Variants in ZZZ3 observed in about 807,000 individuals in gnomAD.
The protein encoded by ZZZ3 is zinc finger ZZ-type containing 3, also known as ZZ-type zinc finger-containing protein 3.
In ZZZ3, 22 loss-of-function variants were observed where a neutral mutation model predicts 95.2. The ratio of observed to expected loss-of-function variants is 0.23; its 90% confidence interval spans 0.17 to 0.33. ZZZ3 has a LOEUF of 0.33. Ranked by LOEUF, ZZZ3 falls within the 10% of genes least tolerant of loss-of-function variation. The pLI, the probability that ZZZ3 is intolerant of heterozygous loss-of-function variation, is 1.00. For synonymous variants in ZZZ3, 335 were observed against 358.9 expected (o/e 0.93, Z 0.75); for missense variants, 885 against 1,066.5 (o/e 0.83, Z 2.37).
chr1:77,641,460 TTCAA>T lies in ZZZ3; in HGVS notation c.-268-18_-268-15del, dbSNP rs1366363134. 5 of 397,364 alleles carry T rather than the reference TTCAA, an allele frequency of 1.3e-5. No individual in the cohort carries two copies. Among genetic ancestry groups the T allele is most frequent in the African/African-American group, 2.1e-5 (1 of 48,576 alleles). 24.6% of individuals were successfully genotyped at this position (397,364 alleles called of 1,614,324 possible). On this transcript the variant is annotated splice_polypyrimidine_tract_variant and intron_variant, in intron 2 of 14. Transcript: ENST00000370801. The stretch of plus-strand genomic sequence containing the variant: ...AAGCCTGATACACTGAAAAAGAAAC[TTCAA>T]TCAATTACTTCTAACTAAACCCCAC...
chr1:77,632,835 T>C lies in ZZZ3; in HGVS notation c.520A>G (p.Lys174Glu). Residue 174 changes from lysine to glutamate, a missense_variant, in exon 5 of 15, where the codon AAA becomes GAA. Lys to Glu is a moderately conservative substitution (Grantham distance 56). Around this residue, in one of 5 missense-constraint regions of ZZZ3, gnomAD observed 556 missense variants for 652.9 expected, o/e 0.85. Transcript: ENST00000370801. ...CRCLILDDCE[K>E]REIKKVNVSE... ...ACATTCACCTTTTTAATTTCCCTTT[T>C]CTCACAATCATCCAGTATAAGACAT... The C allele has an allele frequency of 1.2e-6, 2 of 1,614,160 alleles. No homozygotes were observed. The highest frequency in any genetic ancestry group is 4.5e-5 in the East Asian group (2 of 44,884).
At chr1:77,678,339 A>G (rs1224293378) in intron 1 of ZZZ3, among the ~76,000 whole-genome samples, 1 of 152,132 alleles carries the variant, frequency 6.6e-6, no homozygotes, top group East Asian at 1.9e-4. Flanking sequence ...CATACACAGT[A>G]GCACCATTTT....
At chr1:77,620,810 T>C (rs559141466) in intron 5 of ZZZ3, among the ~76,000 whole-genome samples, 1 of 152,172 alleles carries the variant, frequency 6.6e-6, no homozygotes, top group South Asian at 2.1e-4. Flanking sequence ...AATTCATCAG[T>C]ATATAGATAG....
At chr1:77,603,739 T>C (rs1389985724) in intron 5 of ZZZ3, among the ~76,000 whole-genome samples, 1 of 152,108 alleles carries the variant, frequency 6.6e-6, no homozygotes, top group Non-Finnish European at 1.5e-5. Context: ...GTAAGTTTTA[T>C]ATAAAGATTA....
Position 77,563,189 on chromosome 1 carries a change from C to G in ZZZ3, c.*2451G>C, listed in dbSNP as rs1234466030. On this transcript the variant is annotated 3_prime_UTR_variant, in exon 15 of 15. Transcript: ENST00000370801. ...TGCAAATAACTTGAGCACAATATAT[C>G]AGGAAATAGATCTTATCTACTGAAT... 6.6e-6 allele frequency: 1 copy of G among 151,916 alleles called. No homozygotes were observed. The highest frequency in any genetic ancestry group is 1.5e-5 in the Non-Finnish European group (1 of 68,034). 9.4% of individuals were successfully genotyped at this position (151,916 alleles called of 1,614,324 possible).
intron 1 of ZZZ3, among the ~76,000 whole-genome samples, chr1:77,649,159 C>T (rs1669571343): frequency 6.6e-6 from 1 of 151,940 alleles, no homozygotes; most frequent in Admixed American, 6.6e-5. Flanking sequence ...CTCAATAAAC[C>T]CAAGCACAAG....
intron 1 of ZZZ3, among the ~76,000 whole-genome samples, chr1:77,656,703 A>G (rs1670299603): frequency 6.6e-6 from 1 of 152,200 alleles, no homozygotes; most frequent in African/African-American, 2.4e-5. Context: ...CATATTAACC[A>G]ACCTCTAAGC....
intron 1 of ZZZ3, among the ~76,000 whole-genome samples, chr1:77,652,158 G>C (rs1669871386): frequency 6.6e-6 from 1 of 152,046 alleles, no homozygotes; most frequent in African/African-American, 2.4e-5. Context: ...AACCTTTTGT[G>C]CTTCCAAGAA....
chr1:77,658,464 C>A (rs900543334), intron 1 of ZZZ3, among the ~76,000 whole-genome samples: 1 of 151,760 alleles, frequency 6.6e-6, no homozygotes, highest in African/African-American at 2.4e-5. Flanking sequence ...AGCTTAGCCT[C>A]CCAAGTAGCT....
At chr1:77,664,086 GA>G (rs956746859) in intron 1 of ZZZ3, among the ~76,000 whole-genome samples, 40 of 133,570 alleles carry the variant, frequency 3.0e-4, no homozygotes, top group Middle Eastern at 3.8e-3. Context: ...AAATGTCTTG[GA>G]AAAAAAAAAA....
intron 5 of ZZZ3, among the ~76,000 whole-genome samples, chr1:77,612,859 T>A (rs1309800898): frequency 6.6e-6 from 1 of 151,936 alleles, no homozygotes; most frequent in Non-Finnish European, 1.5e-5. Context: ...GATGATCAAG[T>A]TTAGAGAGCT....
chr1:77,623,714 T>C (rs1389790), intron 5 of ZZZ3, among the ~76,000 whole-genome samples: 88,023 of 152,056 alleles, frequency 0.58, 27,766 homozygotes, highest in Non-Finnish European at 0.71. Context: ...TATAATCCAA[T>C]TCCCAAGATT....
At chr1:77,572,095 C>A (rs1306801225) in intron 12 of ZZZ3, among the ~76,000 whole-genome samples, 1 of 152,114 alleles carries the variant, frequency 6.6e-6, no homozygotes, top group African/African-American at 2.4e-5. Context: ...CTATCTATTG[C>A]TTTTTGAAAA....
chr1:77,672,533 G>C (rs1671877818), intron 1 of ZZZ3, among the ~76,000 whole-genome samples: 1 of 152,162 alleles, frequency 6.6e-6, no homozygotes, highest in South Asian at 2.1e-4. Flanking sequence ...TACCCAAGTA[G>C]TGCTACTCAA....
intron 1 of ZZZ3, among the ~76,000 whole-genome samples, chr1:77,668,590 A>G (rs1222194029): frequency 6.6e-6 from 1 of 151,082 alleles, no homozygotes; most frequent in African/African-American, 2.4e-5. Context: ...AAAATTATAG[A>G]GCTCATATGA....
At chr1:77,622,537 AT>A (rs1666981655) in intron 5 of ZZZ3, among the ~76,000 whole-genome samples, 1 of 152,198 alleles carries the variant, frequency 6.6e-6, no homozygotes. Context: ...CCATGGCTTT[AT>A]TAAAATATTA....
At chr1:77,643,990 T>C (rs1170824718) in intron 1 of ZZZ3, among the ~76,000 whole-genome samples, 1 of 152,190 alleles carries the variant, frequency 6.6e-6, no homozygotes, top group Admixed American at 6.5e-5. Context: ...TTTTAAATGA[T>C]TTTATAAGAA....
intron 5 of ZZZ3, among the ~76,000 whole-genome samples, chr1:77,589,321 A>G (rs1663421007): frequency 6.6e-6 from 1 of 152,218 alleles, no homozygotes; most frequent in African/African-American, 2.4e-5. Flanking sequence ...ATTTATATTC[A>G]TGAATATAAA....
chr1:77,583,602 C>T (rs537125398), intron 6 of ZZZ3, among the ~76,000 whole-genome samples: 3 of 152,162 alleles, frequency 2.0e-5, no homozygotes, highest in Admixed American at 6.5e-5. Flanking sequence ...AATAAATTAA[C>T]ACAACTAGTG....
Sources: gnomAD v4.1 joint callset for allele counts (sites outside exome capture counted in the v4.1 genomes callset) on GRCh38, gnomAD v4.1.1 for gene constraint, gnomAD v4.1.1 regional missense constraint, MANE v1.5 for transcripts, NCBI Gene and HGNC (gene_info 2026-07-23, HGNC 2026-07-21) for gene names.